The following ATP13A3 variants were observed in gnomAD, a reference collection of about 807,000 sequenced individuals.
The protein encoded by ATP13A3 is ATPase 13A3.
Under a neutral mutation model 158.1 loss-of-function variants are expected in ATP13A3, and 59 were observed. The observed-to-expected ratio is 0.37, with a 90% CI of 0.30 to 0.46. The LOEUF (loss-of-function observed/expected upper bound fraction) is 0.46. ATP13A3 is among the 20% of genes least tolerant of loss of function. The pLI is 1.00. For synonymous variants in ATP13A3, 491 were observed against 504.3 expected, an observed-to-expected ratio of 0.97 and a Z score of 0.35; for missense variants, 1,166 against 1,525.2, an observed-to-expected ratio of 0.76 and a Z score of 3.92.
At chr3:194,439,015 T>A in intron 16 of ATP13A3, 43 bp from the exon 17 acceptor site, 1 of 1,259,018 alleles carries the variant, frequency 7.9e-7, no homozygotes, top group Non-Finnish European at 1.1e-6. Flanking sequence ...AACACAACAT[T>A]CAAGCACTGC....
Position 194,424,001 on chromosome 3 carries a change from A to G in ATP13A3, c.3313+1341T>C, listed in dbSNP as rs576762588. Among the ~76,000 whole-genome samples, 235 of 152,010 alleles carry G rather than the reference A, an allele frequency of 1.5e-3. 1 individual carries two copies. Among genetic ancestry groups the G allele is most frequent in the Non-Finnish European group, 2.8e-3 (189 of 67,956 alleles). On this transcript the variant is annotated intron_variant, in intron 30 of 33. Coordinates refer to ENST00000645319, the MANE Select transcript of ATP13A3 (RefSeq NM_001367549.1). Reference sequence around the variant, plus strand: ...TCAGCTACCCTTACATGTGTTCAACATTTCCTTGAAATTTAAAAATGTTGA... The same window carrying G: ...TCAGCTACCCTTACATGTGTTCAACGTTTCCTTGAAATTTAAAAATGTTGA...
At position 194,428,854 on chromosome 3, in the gene ATP13A3, C is replaced by A; in HGVS notation, c.2938G>T (p.Val980Leu). 1 of 1,590,708 alleles carries A rather than the reference C, an allele frequency of 6.3e-7. No homozygotes were observed. The highest frequency in any genetic ancestry group is 1.1e-5 in the South Asian group (1 of 89,740). The change falls in exon 28 of 34, where the codon GTA (valine) becomes TTA (leucine). Residue 980 changes from valine (V) to leucine (L), a missense_variant. Transcript: ENST00000645319. ...AAAGCAAAATACTCACTTGTAAATA[C>A]CACTACCAAAATGATTGCCAGATCA... ...FIDLAIILVV[V>L]FTMSLNPAWK...
intron 2 of ATP13A3, among the ~76,000 whole-genome samples, chr3:194,477,581 CCTCTTA>C (rs556259028): frequency 1.1e-3 from 161 of 152,332 alleles, no homozygotes; most frequent in Admixed American, 9.0e-3. Context: ...CCTTCCTCTT[CCTCTTA>C]ATCAGGATCC....
intron 21 of ATP13A3, among the ~76,000 whole-genome samples, chr3:194,433,232 CTTTTTTTTTTTT>C (rs71637136): frequency 7.0e-5 from 8 of 113,658 alleles, no homozygotes; most frequent in Non-Finnish European, 1.2e-4. Flanking sequence ...TTTTACTATT[CTTTTTTTTTTTT>C]TTTTTTTTTT....
intron 30 of ATP13A3, among the ~76,000 whole-genome samples, chr3:194,422,105 G>A (rs548908373): frequency 6.6e-6 from 1 of 151,734 alleles, no homozygotes; most frequent in East Asian, 1.9e-4. Context: ...ATAAGTAACT[G>A]AATCTATCTT....
chr3:194,471,955 CACT>C (rs1720326538), intron 2 of ATP13A3: 1 of 152,988 alleles, frequency 6.5e-6, no homozygotes, highest in Non-Finnish European at 1.5e-5. Flanking sequence ...CCAGTGACAC[CACT>C]GAGAATGTAA....
chr3:194,406,690 A>G (rs2108689511), intron 33 of ATP13A3, among the ~76,000 whole-genome samples: 1 of 152,320 alleles, frequency 6.6e-6, no homozygotes, highest in African/African-American at 2.4e-5. Context: ...GCTCCTGGCA[A>G]CTTAGCCGCA....
At chr3:194,417,514 T>A (rs1715950408) in intron 31 of ATP13A3, among the ~76,000 whole-genome samples, 1 of 146,580 alleles carries the variant, frequency 6.8e-6, no homozygotes, top group African/African-American at 2.5e-5. Context: ...GAGAGGGGGG[T>A]AGGAGTCCTA....
At chr3:194,412,019 G>C (rs1715473789) in intron 33 of ATP13A3, among the ~76,000 whole-genome samples, 180 bp downstream of exon 33, 1 of 152,118 alleles carries the variant, frequency 6.6e-6, no homozygotes, top group Non-Finnish European at 1.5e-5. Flanking sequence ...AATTTTCTAG[G>C]ACTTCTTATA....
intron 28 of ATP13A3, among the ~76,000 whole-genome samples, chr3:194,427,675 AAATAAAT>A (rs869100949): frequency 1.4e-5 from 2 of 143,886 alleles, no homozygotes; most frequent in Non-Finnish European, 3.0e-5. Flanking sequence ...ATAAATAAAT[AAATAAAT>A]AATTTTAAAT....
chr3:194,461,220 A>C (rs1719637374), intron 3 of ATP13A3, among the ~76,000 whole-genome samples: 1 of 152,100 alleles, frequency 6.6e-6, no homozygotes, highest in African/African-American at 2.4e-5. Context: ...TTTATTTTGA[A>C]ATAAATTTTA....
rs61257072 is a variant in ATP13A3 at position 194,404,474 on chromosome 3, C to A, written c.*1445G>T. The A allele has an allele frequency of 3.8e-5, 7 of 185,576 alleles. No homozygotes were observed. Among genetic ancestry groups the A allele is most frequent in the Non-Finnish European group, 7.8e-5 (7 of 89,316 alleles). 11.5% of individuals were successfully genotyped at this position (185,576 alleles called of 1,614,324 possible). A position where few individuals can be genotyped will look rare whatever the true frequency, so the allele number is the denominator to read the frequency against. On this transcript the variant is annotated 3_prime_UTR_variant, in exon 34 of 34. Coordinates refer to ENST00000645319, the MANE Select transcript of ATP13A3 (RefSeq NM_001367549.1). The stretch of plus-strand genomic sequence containing the variant: ...AATGATCAGCTAGAAGTAGAAAGCA[C>A]GAGCAAGCATGTTACTGGCTCTGGA...
upstream of ATP13A3, among the ~76,000 whole-genome samples, chr3:194,490,921 G>A (rs1055442855): frequency 6.6e-6 from 1 of 152,200 alleles, no homozygotes; most frequent in Non-Finnish European, 1.5e-5. The surrounding 1 kb of genome is among the most constrained non-coding windows in gnomAD (Gnocchi z 4.4). Flanking sequence ...CGAGGCGGGC[G>A]GATCACCTGA....
chr3:194,420,003 G>A, intron 30 of ATP13A3, 36 bp from the exon 31 acceptor site: 1 of 1,484,150 alleles, frequency 6.7e-7, no homozygotes, highest in Non-Finnish European at 8.9e-7. Flanking sequence ...AAGTAAATTA[G>A]GAAATTCCTT....
At chr3:194,489,210 C>G (rs1018733613), upstream of ATP13A3, among the ~76,000 whole-genome samples, 12 of 152,090 alleles carry the variant, frequency 7.9e-5, no homozygotes, top group Admixed American at 7.9e-4. The surrounding 1 kb of genome is among the most constrained non-coding windows in gnomAD (Gnocchi z 4.1). Context: ...TTTGGGAGGC[C>G]GAGGCTGGTG....
At position 194,421,030 on chromosome 3, in the gene ATP13A3, A is replaced by G. The variant is rs1414617521; in HGVS notation, c.3314-1063T>C. On this transcript the variant is annotated intron_variant, in intron 30 of 33. Transcript: ENST00000645319. ...GTAAATATAAACTTTGTTAATATCA[A>G]TTCAAAACTACAGGTAAATATTTAT... 6.4e-5 allele frequency among the ~76,000 whole-genome samples: 9 copies of G among 141,264 alleles called. No individual in the cohort carries two copies. In the East Asian group the frequency reaches 1.8e-3, roughly 29 times the overall value. The allele number at this position is 141,264 out of a possible 152,430, so 92.7% of individuals were successfully genotyped here. A position where few individuals can be genotyped will look rare whatever the true frequency, so the allele number is the denominator to read the frequency against.
intron 21 of ATP13A3, among the ~76,000 whole-genome samples, chr3:194,432,847 A>G (rs1206312933): frequency 6.6e-6 from 1 of 152,164 alleles, no homozygotes; most frequent in Non-Finnish European, 1.5e-5. Context: ...GAGCTACCAC[A>G]ATTTCACACA....
chr3:194,431,648 CT>C (rs3841918), intron 22 of ATP13A3, 68 bp downstream of exon 22: 14,443 of 1,399,008 alleles, frequency 0.01, 270 homozygotes, highest in East Asian at 0.068. Flanking sequence ...TAATGCACCA[CT>C]TTTTTTATTT....
Position 194,447,983 on chromosome 3 carries a change from C to A in ATP13A3, c.1177G>T (p.Val393Phe). The change falls in exon 13 of 34, where the codon GTT (valine) becomes TTT (phenylalanine). Residue 393 changes from valine to phenylalanine, a missense_variant. Transcript: ENST00000645319. ...GGTTTGGGATACAATATGGAACGAA[C>A]AAGCTGTCCTTTGGAAGTACTAAAT... ...TGFSTSKGQL[V>F]RSILYPKPTD... 6.2e-7 allele frequency: 1 copy of A among 1,609,030 alleles called. No individual in the cohort carries two copies. The highest frequency in any genetic ancestry group is 8.5e-7 in the Non-Finnish European group (1 of 1,175,676).
Sources: allele counts gnomAD v4.1 joint callset (sites outside exome capture counted in the v4.1 genomes callset), GRCh38; gene constraint gnomAD v4.1.1; non-coding constraint Gnocchi (gnomAD v3.1); transcripts MANE v1.5; gene names NCBI Gene and HGNC (gene_info 2026-07-23, HGNC 2026-07-21).